WDFY4: variants seen among roughly 807,000 people sequenced by gnomAD.
WDFY4 encodes the protein WDFY family member 4.
WDFY4 carries 169 observed loss-of-function variants against 351.9 expected under a neutral mutation model. That is an observed-to-expected ratio of 0.48 (90% CI 0.42 to 0.55). The LOEUF is 0.55. Among genes scored for constraint, WDFY4 ranks in the 20% least tolerant of loss-of-function variants. The pLI, the probability that WDFY4 is intolerant of heterozygous loss-of-function variation, is 0.00. For synonymous variants in WDFY4, 1,622 were observed against 1,574.6 expected, an observed-to-expected ratio of 1.03 and a Z score of -0.71; for missense variants, 3,803 against 3,935.6, an observed-to-expected ratio of 0.97 and a Z score of 0.90.
intron 47 of WDFY4, among the ~76,000 whole-genome samples, chr10:48,914,608 T>A (rs1838334392): frequency 1.3e-5 from 2 of 152,174 alleles, no homozygotes; most frequent in South Asian, 4.1e-4. Flanking sequence ...AAGCTAGGAT[T>A]TCCTGAAGTT....
chr10:48,874,123 T>A (rs1262954240), intron 41 of WDFY4, among the ~76,000 whole-genome samples: 16 of 152,188 alleles, frequency 1.1e-4, no homozygotes, highest in Non-Finnish European at 1.5e-5. Flanking sequence ...TTACTGCAAA[T>A]CCCATAACAA....
Position 48,796,289 on chromosome 10 carries a change from C to A in WDFY4, c.4258-9C>A. On this transcript the variant is annotated splice_polypyrimidine_tract_variant and intron_variant, in intron 23 of 61. Transcript: ENST00000325239. ...TCATGAGGAAACTGCTTTGTGTTAA[C>A]CTTTTCAGATAATGGCGTTTCTCCT... The A allele has an allele frequency of 1.3e-6, 2 of 1,550,934 alleles. No homozygotes were observed. Among genetic ancestry groups the A allele is most frequent in the Non-Finnish European group, 1.7e-6 (2 of 1,146,430 alleles).
chr10:48,792,921 A>G (rs1288434207), intron 23 of WDFY4, among the ~76,000 whole-genome samples: 1 of 152,160 alleles, frequency 6.6e-6, no homozygotes, highest in Non-Finnish European at 1.5e-5. Flanking sequence ...AGAAATGAGA[A>G]CATTGCCTTG....
chr10:48,686,666 A>G (rs1565089882), intron 1 of WDFY4, among the ~76,000 whole-genome samples: 1 of 152,218 alleles, frequency 6.6e-6, no homozygotes, highest in Non-Finnish European at 1.5e-5. Flanking sequence ...AAATTTCTTC[A>G]TATTGTTGCA....
At chr10:48,800,491 TTTGTGAGGGAAGGAGGGACAGGAGG>T (rs1463871490) in intron 24 of WDFY4, among the ~76,000 whole-genome samples, 6 of 151,120 alleles carry the variant, frequency 4.0e-5, no homozygotes, top group South Asian at 4.2e-4. Flanking sequence ...GGGACAAAAA[TTTGTGAGGGAAGGAGGGACAGGAGG>T]TTGTGAGGGA....
chr10:48,861,810 T>C (rs1324010008), intron 39 of WDFY4, among the ~76,000 whole-genome samples: 4 of 152,226 alleles, frequency 2.6e-5, no homozygotes, highest in African/African-American at 7.2e-5. Context: ...TCCATTCTTT[T>C]TGGGATTCTG....
intron 11 of WDFY4, among the ~76,000 whole-genome samples, chr10:48,742,200 C>T (rs2064872362): frequency 6.6e-6 from 1 of 152,182 alleles, no homozygotes. Flanking sequence ...TCTCAGTGAT[C>T]TGGAGGGTGG....
At chr10:48,823,766 G>C in intron 35 of WDFY4, 1 of 990,834 alleles carries the variant, frequency 1.0e-6, no homozygotes, top group Non-Finnish European at 1.2e-6. Context: ...AGGGGGACCA[G>C]GCCTGAGGGC....
chr10:48,921,609 A>G (rs924970855), intron 47 of WDFY4, among the ~76,000 whole-genome samples: 25 of 65,956 alleles, frequency 3.8e-4, no homozygotes, highest in African/African-American at 1.5e-3. Context: ...CTCTGTGGAA[A>G]AAAAAAACGT....
chr10:48,895,014 T>A (rs1219133784), intron 44 of WDFY4, among the ~76,000 whole-genome samples: 1 of 152,188 alleles, frequency 6.6e-6, no homozygotes, highest in African/African-American at 2.4e-5. Context: ...TTGTGTTTGA[T>A]CCATCCTACC....
chr10:48,730,998 G>A, intron 8 of WDFY4, 112 bp from the exon 9 acceptor site: 1 of 1,186,242 alleles, frequency 8.4e-7, no homozygotes, highest in South Asian at 1.6e-5. Context: ...GTGCCCATAG[G>A]AGTTAGAACA....
chr10:48,868,270 C>A (rs1240933149), intron 40 of WDFY4, among the ~76,000 whole-genome samples: 1 of 152,220 alleles, frequency 6.6e-6, no homozygotes, highest in Non-Finnish European at 1.5e-5. Context: ...CATAGCCTCC[C>A]AGGCTCTCCT....
In WDFY4 at chr10:48,811,604, T is replaced by C. The variant is rs1039141183; in HGVS notation, c.5110T>C (p.Leu1704=). 1 of 1,552,142 alleles carries C rather than the reference T, an allele frequency of 6.4e-7. No individual in the cohort carries two copies. Among genetic ancestry groups the C allele is most frequent in the Middle Eastern group, 1.7e-4 (1 of 5,994 alleles). ...ATGCCTGCTTCCTGGGTTCCGTGTC[T>C]TGAATGACTTTCTGGCCCACCACGT... The part of the protein sequence containing the change: ...SPCLLPGFRV[L]NDFLAHHVHI... The change falls in exon 30 of 62, where the codon TTG becomes CTG. Residue 1704 remains leucine, a synonymous_variant. Transcript: ENST00000325239.
intron 54 of WDFY4, among the ~76,000 whole-genome samples, 162 bp from the exon 55 acceptor site, chr10:48,966,364 C>G (rs549972985): frequency 6.6e-6 from 1 of 152,298 alleles, no homozygotes; most frequent in African/African-American, 2.4e-5. Context: ...TCATCTGCAG[C>G]GTCTGAGGGC....
chr10:48,765,728 T>C (rs1315867801), intron 13 of WDFY4, among the ~76,000 whole-genome samples: 1 of 152,070 alleles, frequency 6.6e-6, no homozygotes, highest in African/African-American at 2.4e-5. Context: ...ACCTTTCTCA[T>C]AGGGAAGTGA....
In WDFY4 at chr10:48,743,157, G is replaced by C; in HGVS notation, c.2068G>C (p.Ala690Pro). 4 of 1,551,696 alleles carry C rather than the reference G, an allele frequency of 2.6e-6. No individual in the cohort carries two copies. Among genetic ancestry groups the C allele is most frequent in the Non-Finnish European group, 3.5e-6 (4 of 1,147,004 alleles). The change falls in exon 12 of 62, where the codon GCA (alanine) becomes CCA (proline). Residue 690 changes from alanine to proline, a missense_variant. Around this residue, in one of 3 missense-constraint regions of WDFY4, gnomAD observed 3,054 missense variants for 3,148.6 expected, o/e 0.97. Transcript: ENST00000325239. ...TTTGTACACTCTCTGTGCTGTGTCC[G>C]CAGCGCTGCACTGGGACCCTGTCAA... Reference protein sequence around the residue: ...LVLYTLCAVSAALHWDPVNGY... With the variant: ...LVLYTLCAVSPALHWDPVNGY...
At chr10:48,799,445 A>G (rs1469477620) in intron 24 of WDFY4, among the ~76,000 whole-genome samples, 2 of 151,940 alleles carry the variant, frequency 1.3e-5, no homozygotes, top group Non-Finnish European at 2.9e-5. Context: ...TGACAGACTT[A>G]GTGACAAGTA....
intron 39 of WDFY4, among the ~76,000 whole-genome samples, chr10:48,836,591 C>T (rs12263411): frequency 0.06 from 9,170 of 152,270 alleles, 337 homozygotes; most frequent in Middle Eastern, 0.088. Flanking sequence ...ATTCCTCTTA[C>T]CTATCTTCAT....
Position 48,788,556 on chromosome 10 carries a change from C to T in WDFY4, c.3835C>T (p.Pro1279Ser). The T allele has an allele frequency of 6.4e-7, 1 of 1,552,090 alleles. No individual in the cohort carries two copies. The highest frequency in any genetic ancestry group is 8.7e-7 in the Non-Finnish European group (1 of 1,147,058). The change falls in exon 21 of 62, where the codon CCC (proline) becomes TCC (serine). Residue 1279 changes from proline to serine, a missense_variant. By Grantham distance (74) the Pro-to-Ser change is moderately conservative. This residue lies in a region of WDFY4 where 3,054 missense variants were observed against 3,148.6 expected (regional missense o/e 0.97). Transcript: ENST00000325239. ...QGEDLDSEAT[P>S]FVAEERVSFG... ...GGAGGACCTGGACAGTGAAGCCACG[C>T]CCTTTGTTGCAGAAGAAAGAGTTTC...
Sources: allele counts gnomAD v4.1 joint callset (sites outside exome capture counted in the v4.1 genomes callset), GRCh38; gene constraint gnomAD v4.1.1; regional missense constraint gnomAD v4.1.1; transcripts MANE v1.5; gene names NCBI Gene and HGNC (gene_info 2026-07-23, HGNC 2026-07-21).